Variants in KLRG1 observed in about 807,000 individuals in gnomAD.
KLRG1 encodes the protein killer cell lectin-like receptor subfamily G member 1.
In KLRG1, 16 loss-of-function variants were observed where a neutral mutation model predicts 21.8. The ratio of observed to expected loss-of-function variants is 0.73; its 90% CI spans 0.50 to 1.11. KLRG1 has a LOEUF of 1.11. Among genes scored for constraint, KLRG1 ranks in the 50% most tolerant of loss-of-function variants. The pLI is 0.00. For synonymous variants in KLRG1, 69 were observed against 75.9 expected (o/e 0.91, Z 0.47); for missense variants, 173 against 218.3 (o/e 0.79, Z 1.31).
downstream of KLRG1, among the ~76,000 whole-genome samples, chr12:9,011,618 G>A (rs973837341): frequency 1.6e-4 from 24 of 152,174 alleles, no homozygotes; most frequent in Non-Finnish European, 5.9e-5. Context: ...AATACAAATG[G>A]AACAATTATC....
the KLRG1 span, chr12:9,104,182 T>G: frequency 6.4e-7 from 1 of 1,555,334 alleles, no homozygotes. Context: ...CACCCTTAGG[T>G]TGCAACCTTG....
At chr12:9,186,715 G>A in the KLRG1 span, among the ~76,000 whole-genome samples, 2 of 152,174 alleles carry the variant, frequency 1.3e-5, no homozygotes, top group South Asian at 4.1e-4. Context: ...CATGGATGAA[G>A]CTGGAAACTG....
At chr12:9,154,971 AC>A in the KLRG1 span, 3 of 906,322 alleles carry the variant, frequency 3.3e-6, no homozygotes, top group South Asian at 5.3e-5. Flanking sequence ...TATGTCATAA[AC>A]TCCTAAAACT....
chr12:9,043,374 G>A, the KLRG1 span, among the ~76,000 whole-genome samples: 1 of 152,062 alleles, frequency 6.6e-6, no homozygotes. Context: ...CACCACATCC[G>A]GCTGATATCT....
chr12:9,064,962 C>G, the KLRG1 span: 4 of 152,316 alleles, frequency 2.6e-5, no homozygotes, highest in African/African-American at 7.2e-5. The surrounding 1 kb of genome is among the most constrained non-coding windows in gnomAD (Gnocchi z 4.0). Context: ...GAGCTAGACG[C>G]GCCTGAGGGC....
chr12:9,023,920 G>A, the KLRG1 span, among the ~76,000 whole-genome samples: 11 of 149,128 alleles, frequency 7.4e-5, no homozygotes, highest in African/African-American at 2.7e-4. Context: ...TCTTATAAAT[G>A]CCCAATTATT....
At chr12:8,979,534 A>G (rs1465902517) in intron 1 of KLRG1, among the ~76,000 whole-genome samples, 2 of 152,290 alleles carry the variant, frequency 1.3e-5, no homozygotes, top group African/African-American at 4.8e-5. Context: ...TAATGTGTCT[A>G]GGTGTAGACT....
the KLRG1 span, chr12:9,110,324 A>C: frequency 6.9e-7 from 1 of 1,451,882 alleles, no homozygotes; most frequent in East Asian, 2.5e-5. Context: ...CTGAATGTAT[A>C]CTAGTGGAAT....
At chr12:9,120,825 T>A in the KLRG1 span, among the ~76,000 whole-genome samples, 7 of 149,654 alleles carry the variant, frequency 4.7e-5, no homozygotes, top group Non-Finnish European at 1.0e-4. Flanking sequence ...AAGAGCAGAG[T>A]TTTTCTCATT....
chr12:8,993,323 ATGT>A (rs1291976576), intron 2 of KLRG1, among the ~76,000 whole-genome samples: 2 of 151,896 alleles, frequency 1.3e-5, no homozygotes, highest in Admixed American at 6.6e-5. Context: ...GAATCTCGCA[ATGT>A]TGTTTGGGCT....
the KLRG1 span, chr12:9,208,193 C>T: frequency 7.9e-7 from 1 of 1,262,908 alleles, no homozygotes; most frequent in South Asian, 1.2e-5. Context: ...CAAAGGAAGG[C>T]AAAGCGAAGA....
At chr12:9,148,511 A>C in the KLRG1 span, among the ~76,000 whole-genome samples, 1 of 152,094 alleles carries the variant, frequency 6.6e-6, no homozygotes, top group Non-Finnish European at 1.5e-5. Flanking sequence ...CACTTTAATT[A>C]TCAATTCTCT....
At chr12:9,125,370 G>T in the KLRG1 span, among the ~76,000 whole-genome samples, 1 of 152,210 alleles carries the variant, frequency 6.6e-6, no homozygotes, top group South Asian at 2.1e-4. Context: ...CTTCCTGGAT[G>T]CAGGACAAGA....
At chr12:9,192,451 C>A in the KLRG1 span, 3 of 1,473,956 alleles carry the variant, frequency 2.0e-6, no homozygotes, top group South Asian at 3.5e-5. Context: ...CATTCCTGAG[C>A]CTATTGACCA....
chr12:9,081,279 T>A, the KLRG1 span, among the ~76,000 whole-genome samples: 7 of 151,920 alleles, frequency 4.6e-5, no homozygotes, highest in Non-Finnish European at 7.4e-5. Flanking sequence ...AACAGCAAAA[T>A]TTTTTTTTCT....
intron 3 of KLRG1, among the ~76,000 whole-genome samples, chr12:9,004,622 A>G (rs892326891): frequency 1.3e-5 from 2 of 152,066 alleles, no homozygotes; most frequent in Non-Finnish European, 2.9e-5. Flanking sequence ...AAGTACAAGC[A>G]CATGCCACCA....
At chr12:8,980,991 A>G (rs574955224) in intron 1 of KLRG1, among the ~76,000 whole-genome samples, 113 of 152,154 alleles carry the variant, frequency 7.4e-4, no homozygotes, top group Non-Finnish European at 1.4e-3. Context: ...TGCTTTCTAC[A>G]CTTTTCTGCA....
chr12:8,956,042 C>G (rs1946287044), intron 1 of KLRG1, among the ~76,000 whole-genome samples: 1 of 152,308 alleles, frequency 6.6e-6, no homozygotes. Context: ...CTTTGGGTCC[C>G]CTCTCTGCTG....
chr12:9,052,988 A>G, the KLRG1 span: 2 of 354,978 alleles, frequency 5.6e-6, no homozygotes, highest in African/African-American at 4.4e-5. Context: ...GTCCTCCAAT[A>G]AGATTGTTCC....
Sources: allele counts gnomAD v4.1 joint callset (sites outside exome capture counted in the v4.1 genomes callset), GRCh38; gene constraint gnomAD v4.1.1; non-coding constraint Gnocchi (gnomAD v3.1); transcripts MANE v1.5; gene names NCBI Gene and HGNC (gene_info 2026-07-23, HGNC 2026-07-21).